Variants in GUCY1B1 observed in about 807,000 individuals in gnomAD.
GUCY1B1 encodes the protein guanylate cyclase 1 soluble subunit beta 1.
Under a neutral mutation model 71.0 loss-of-function variants are expected in GUCY1B1, and 43 were observed. That is an observed-to-expected ratio of 0.61 (90% CI 0.47 to 0.78). The LOEUF is 0.78. Ranked by LOEUF, GUCY1B1 falls within the 30% of genes least tolerant of loss-of-function variation. The pLI, the probability that GUCY1B1 is intolerant of heterozygous loss-of-function variation, is 0.00. For synonymous variants in GUCY1B1, 266 were observed against 259.7 expected, an observed-to-expected ratio of 1.02 and a Z score of -0.23; for missense variants, 535 against 754.1, an observed-to-expected ratio of 0.71 and a Z score of 3.40.
At chr4:155,781,502 G>C (rs1401820631) in intron 4 of GUCY1B1, among the ~76,000 whole-genome samples, 2 of 152,084 alleles carry the variant, frequency 1.3e-5, no homozygotes, top group African/African-American at 4.8e-5. Context: ...TTTGCATTAT[G>C]CGTATTTTAA....
At chr4:155,778,435 C>G (rs946427963) in intron 4 of GUCY1B1, among the ~76,000 whole-genome samples, 1 of 152,144 alleles carries the variant, frequency 6.6e-6, no homozygotes, top group Admixed American at 6.5e-5. Flanking sequence ...TGGCTGCTTT[C>G]AGCAGCCAGA....
intron 4 of GUCY1B1, among the ~76,000 whole-genome samples, chr4:155,781,393 C>A (rs539007568): frequency 5.9e-5 from 9 of 152,268 alleles, no homozygotes; most frequent in African/African-American, 2.2e-4. Flanking sequence ...TTAACGAATA[C>A]TAACATATCT....
At chr4:155,779,720 A>G (rs1738288039) in intron 4 of GUCY1B1, among the ~76,000 whole-genome samples, 1 of 152,352 alleles carries the variant, frequency 6.6e-6, no homozygotes, top group East Asian at 1.9e-4. Context: ...TTACACAGAA[A>G]TTAAATGGAC....
chr4:155,772,828 G>A (rs900680203), intron 2 of GUCY1B1: 4 of 696,318 alleles, frequency 5.7e-6, no homozygotes, highest in Non-Finnish European at 1.0e-5. Context: ...CAGAAAACAT[G>A]CTTTTAAAAA....
chr4:155,784,347 C>T (rs1738627151), intron 4 of GUCY1B1, among the ~76,000 whole-genome samples: 2 of 152,152 alleles, frequency 1.3e-5, no homozygotes, highest in Admixed American at 6.5e-5. Context: ...CTACTCCAAT[C>T]TCATGCTATT....
At chr4:155,779,950 G>A (rs904644383) in intron 4 of GUCY1B1, among the ~76,000 whole-genome samples, 5 of 152,102 alleles carry the variant, frequency 3.3e-5, no homozygotes, top group Admixed American at 2.6e-4. Flanking sequence ...TGAGCTTTGG[G>A]AATTCTGCCA....
At chr4:155,793,734 A>G (rs1739339943) in intron 5 of GUCY1B1, 122 bp from the exon 6 acceptor site, 3 of 600,848 alleles carry the variant, frequency 5.0e-6, no homozygotes, top group Non-Finnish European at 3.0e-6. Flanking sequence ...ATTTGCATAT[A>G]TGTTTTGAAT....
chr4:155,785,010 C>T (rs1046636581), intron 4 of GUCY1B1, among the ~76,000 whole-genome samples: 7 of 151,988 alleles, frequency 4.6e-5, no homozygotes, highest in African/African-American at 9.7e-5. Context: ...CAGTAGAGTA[C>T]CCCAGAATAC....
At chr4:155,794,542 G>A (rs1425385208) in intron 6 of GUCY1B1, among the ~76,000 whole-genome samples, 7 of 152,258 alleles carry the variant, frequency 4.6e-5, no homozygotes, top group African/African-American at 1.7e-4. Context: ...AGTAGAAAAA[G>A]CATCAAAGGA....
At chr4:155,793,057 T>G (rs1444570014) in intron 5 of GUCY1B1, among the ~76,000 whole-genome samples, 1 of 152,064 alleles carries the variant, frequency 6.6e-6, no homozygotes, top group Admixed American at 6.6e-5. Context: ...TTCAGTACCT[T>G]ACCCAATTTA....
chr4:155,784,949 T>C (rs1297366052), intron 4 of GUCY1B1, among the ~76,000 whole-genome samples: 1 of 152,180 alleles, frequency 6.6e-6, no homozygotes, highest in African/African-American at 2.4e-5. Flanking sequence ...AAAGGAATGA[T>C]AAATTGTCTT....
intron 2 of GUCY1B1, among the ~76,000 whole-genome samples, chr4:155,762,443 G>C (rs1358749861): frequency 6.6e-6 from 1 of 151,874 alleles, no homozygotes; most frequent in East Asian, 1.9e-4. Flanking sequence ...TGCTTCACTA[G>C]GAAATGGCCA....
chr4:155,790,055 A>G lies in GUCY1B1; in HGVS notation c.495+144A>G, dbSNP rs188480889. 1,855 of 587,178 alleles carry G rather than the reference A, an allele frequency of 3.2e-3. 2 individuals are homozygous for G. Among genetic ancestry groups the G allele is most frequent in the Non-Finnish European group, 4.5e-3 (1,525 of 337,782 alleles). 36.4% of individuals were successfully genotyped at this position (587,178 alleles called of 1,614,324 possible). Reference sequence around the variant, plus strand: ...AGCCAAAACAGTGGAAAGACCAGCAATCTTCTATATTTGGCCTGGGAGTGC... The same window carrying G: ...AGCCAAAACAGTGGAAAGACCAGCAGTCTTCTATATTTGGCCTGGGAGTGC... On this transcript the variant is annotated intron_variant, in intron 5 of 13. Transcript: ENST00000264424.
intron 4 of GUCY1B1, among the ~76,000 whole-genome samples, chr4:155,785,557 A>G (rs534413288): frequency 6.6e-6 from 1 of 152,248 alleles, no homozygotes; most frequent in South Asian, 2.1e-4. Context: ...AAATGTAGAA[A>G]GGGTTTTCTC....
chr4:155,804,566 A>C (rs1035802968), intron 11 of GUCY1B1, 27 bp from the exon 12 acceptor site: 2 of 1,576,284 alleles, frequency 1.3e-6, no homozygotes, highest in Non-Finnish European at 1.7e-6. Context: ...GATCAAAATG[A>C]TTGAAGCAAA....
intron 2 of GUCY1B1, among the ~76,000 whole-genome samples, chr4:155,761,842 C>A (rs1344478488): frequency 6.6e-6 from 1 of 152,196 alleles, no homozygotes; most frequent in East Asian, 1.9e-4. Flanking sequence ...CACAATTTTT[C>A]TGGTAAAAAT....
At chr4:155,759,476 G>A (rs1579176309) in intron 1 of GUCY1B1, 2 of 501,874 alleles carry the variant, frequency 4.0e-6, no homozygotes, top group East Asian at 7.0e-5. Flanking sequence ...GCCAGCGGAA[G>A]GGAAGGCTCC....
chr4:155,774,846 G>T, intron 2 of GUCY1B1, 122 bp from the exon 3 acceptor site: 4 of 652,664 alleles, frequency 6.1e-6, no homozygotes, highest in South Asian at 3.4e-5. Flanking sequence ...AAACAAATTT[G>T]CCCAAAAAAA....
Position 155,803,606 on chromosome 4 carries a change from A to G in GUCY1B1, c.1414-18A>G. 1 of 1,461,970 alleles carries G rather than the reference A, an allele frequency of 6.8e-7. No homozygotes were observed. Among genetic ancestry groups the G allele is most frequent in the Non-Finnish European group, 9.1e-7 (1 of 1,098,560 alleles). 90.6% of individuals were successfully genotyped at this position (1,461,970 alleles called of 1,614,324 possible). A position where few individuals can be genotyped will look rare whatever the true frequency, so the allele number is the denominator to read the frequency against. ...TTTTTTATGCTAACCGTGAACATCT[A>G]AATATATGTACTGTTAGGTGGAGAC... On this transcript the variant is annotated intron_variant, in intron 10 of 13. Transcript: ENST00000264424.
Sources: gnomAD v4.1 joint callset for allele counts (sites outside exome capture counted in the v4.1 genomes callset) on GRCh38, gnomAD v4.1.1 for gene constraint, MANE v1.5 for transcripts, NCBI Gene and HGNC (gene_info 2026-07-23, HGNC 2026-07-21) for gene names.